The following BARD1 variants were observed in gnomAD, a reference collection of about 807,000 sequenced individuals.
BARD1 encodes the protein BRCA1-associated RING domain protein 1.
Under a neutral mutation model 77.0 loss-of-function variants are expected in BARD1, and 73 were observed. The observed-to-expected ratio is 0.95, with a 90% CI of 0.79 to 1.15. The LOEUF (loss-of-function observed/expected upper bound fraction) is 1.15. BARD1 is among the 50% of genes most tolerant of loss of function. BARD1 has a pLI of 0.00. For synonymous variants in BARD1, 384 were observed against 338.0 expected, an observed-to-expected ratio of 1.14 and a Z score of -1.49; for missense variants, 993 against 938.8, an observed-to-expected ratio of 1.06 and a Z score of -0.75.
intron 4 of BARD1, among the ~76,000 whole-genome samples, chr2:214,773,694 T>C (rs1694614642): frequency 2.0e-5 from 3 of 152,092 alleles, no homozygotes; most frequent in African/African-American, 4.8e-5. Flanking sequence ...ATGGTGACAA[T>C]TGTTTTGCTG....
chr2:214,757,383 T>TA (rs1485956016), intron 6 of BARD1, among the ~76,000 whole-genome samples: 2 of 152,052 alleles, frequency 1.3e-5, no homozygotes, highest in Non-Finnish European at 2.9e-5. Flanking sequence ...TCTTTAAAGA[T>TA]ATGACTGGAG....
intron 3 of BARD1, among the ~76,000 whole-genome samples, chr2:214,791,108 T>C (rs957423329): frequency 6.6e-6 from 1 of 152,174 alleles, no homozygotes; most frequent in African/African-American, 2.4e-5. Context: ...CTTTTAAAAA[T>C]GTGTGTGTAT....
chr2:214,755,418 G>GT (rs1258654180), intron 6 of BARD1, among the ~76,000 whole-genome samples: 1 of 152,142 alleles, frequency 6.6e-6, no homozygotes, highest in Admixed American at 6.5e-5. Context: ...TTAACCTAAA[G>GT]TTTTACCAAA....
chr2:214,760,106 A>G (rs1693884115), intron 6 of BARD1, among the ~76,000 whole-genome samples: 1 of 152,188 alleles, frequency 6.6e-6, no homozygotes. Flanking sequence ...AGTTATCTTT[A>G]TATTTTATAT....
In BARD1 at chr2:214,728,009, T is replaced by C. The variant is rs940713938; in HGVS notation, c.*667A>G. 1.4e-5 allele frequency: 3 copies of C among 220,598 alleles called. No individual in the cohort carries two copies. Among genetic ancestry groups the C allele is most frequent in the African/African-American group, 6.7e-5 (3 of 44,686 alleles). The allele number at this position is 220,598 out of a possible 1,614,324, so 13.7% of individuals were successfully genotyped here. ...CAAGCAAATGTACAGAATAAAAATA[T>C]GTACCATGAGCCTAGTGTTGATTTT... is the stretch of plus-strand genomic sequence containing the variant. On this transcript the variant is annotated 3_prime_UTR_variant, in exon 11 of 11. Coordinates refer to ENST00000260947, the MANE Select transcript of BARD1 (RefSeq NM_000465.4).
Position 214,783,848 on chromosome 2 carries a change from C to T in BARD1, c.365-2339G>A, listed in dbSNP as rs148969151. ...AAACTGAAACTGGACCCCTTCCTTACACCTTATATAAAAATTAACTCAACA... is the reference window on the plus strand; with the variant it reads ...AAACTGAAACTGGACCCCTTCCTTATACCTTATATAAAAATTAACTCAACA... On this transcript the variant is annotated intron_variant, in intron 3 of 10. Transcript: ENST00000260947. 8.7e-3 allele frequency among the ~76,000 whole-genome samples: 1,318 copies of T among 152,224 alleles called. 20 individuals carry two copies. Among genetic ancestry groups the T allele is most frequent in the African/African-American group, 0.029 (1,224 of 41,550 alleles).
rs142398158 is a variant in BARD1 at position 214,767,056 on chromosome 2, A to G, written c.1568+426T>C. On this transcript the variant is annotated intron_variant, in intron 6 of 10. Coordinates refer to ENST00000260947, the MANE Select transcript of BARD1 (RefSeq NM_000465.4). ...AATTCTCATCATTTAGCTCTCACTT[A>G]TAAGTGAGAACATGCGGTATTTGGT... Among the ~76,000 whole-genome samples, 607 of 152,238 alleles carry G rather than the reference A, an allele frequency of 4.0e-3. 1 individual carries two copies. Among genetic ancestry groups the G allele is most frequent in the African/African-American group, 6.1e-3 (252 of 41,542 alleles).
At chr2:214,745,294 G>T in intron 8 of BARD1, 135 bp from the exon 9 acceptor site, 2 of 737,776 alleles carry the variant, frequency 2.7e-6, no homozygotes, top group East Asian at 2.7e-5. Context: ...ACACTTAAGT[G>T]TAAGACTACT....
chr2:214,746,005 CT>C, intron 7 of BARD1, 151 bp from the exon 8 acceptor site: 1 of 934,554 alleles, frequency 1.1e-6, no homozygotes, highest in Non-Finnish European at 1.6e-6. Flanking sequence ...CACCCAGAAC[CT>C]TTTAAATAAA....
At chr2:214,774,639 A>G (rs939903189) in intron 4 of BARD1, among the ~76,000 whole-genome samples, 4 of 152,290 alleles carry the variant, frequency 2.6e-5, no homozygotes, top group Admixed American at 1.3e-4. Flanking sequence ...TTCCACTTCA[A>G]GTCACCAGCT....
chr2:214,755,547 C>G (rs1693655174), intron 6 of BARD1, among the ~76,000 whole-genome samples: 1 of 152,104 alleles, frequency 6.6e-6, no homozygotes, highest in Admixed American at 6.5e-5. Context: ...TAAACCCAAA[C>G]AAGTAATGAG....
rs375745253 is a variant in BARD1 at position 214,730,544 on chromosome 2, T to A, written c.1904-36A>T. 4 of 1,513,304 alleles carry A rather than the reference T, an allele frequency of 2.6e-6. No individual in the cohort carries two copies. In the African/African-American group the frequency reaches 4.1e-5, roughly 16 times the overall value. The allele number at this position is 1,513,304 out of a possible 1,614,324, so 93.7% of individuals were successfully genotyped here. A position where few individuals can be genotyped will look rare whatever the true frequency, so the allele number is the denominator to read the frequency against. ...CACAAGAATTAAAGCAAACTAAGTA[T>A]CAAGTGAGCACTATATCTCTCTCAT... On this transcript the variant is annotated intron_variant, in intron 9 of 10. Transcript: ENST00000260947.
rs968535447 is a variant in BARD1, at chr2:214,745,089, T to G, written c.1881A>C (p.Gly627=). ...TLKCMLGILN[G]CWILKFEWVK... ...TACATTCAAATTTTAGAATCCAGCATCCATTGAGAATCCCAAGCATACACT... is the reference window on the plus strand; with the variant it reads ...TACATTCAAATTTTAGAATCCAGCAGCCATTGAGAATCCCAAGCATACACT... Residue 627 remains glycine (G), a synonymous_variant, in exon 9 of 11, where the codon GGA becomes GGC. Coordinates refer to ENST00000260947, the MANE Select transcript of BARD1 (RefSeq NM_000465.4). 1 of 1,613,774 alleles carries G rather than the reference T, an allele frequency of 6.2e-7. No homozygotes were observed. Among genetic ancestry groups the G allele is most frequent in the African/African-American group, 1.3e-5 (1 of 74,912 alleles).
rs758775161 is a variant in BARD1 at position 214,792,259 on chromosome 2, T to C, written c.364+38A>G. On this transcript the variant is annotated intron_variant, in intron 3 of 10. Coordinates refer to ENST00000260947, the MANE Select transcript of BARD1 (RefSeq NM_000465.4). ...GAATATGAATTCATCAGTTTTTAAC[T>C]GATGAATTTAACTAAGAGAGATAGG... The C allele has an allele frequency of 5.6e-6, 9 of 1,601,684 alleles. No homozygotes were observed. In the Admixed American group the frequency reaches 1.2e-4, roughly 21 times the overall value.
chr2:214,749,053 G>C (rs1423465840), intron 7 of BARD1, among the ~76,000 whole-genome samples: 2 of 152,138 alleles, frequency 1.3e-5, no homozygotes, highest in Non-Finnish European at 2.9e-5. Context: ...CACACCAGGG[G>C]AAGGGGGTTA....
At position 214,731,532 on chromosome 2, in the gene BARD1, C is replaced by T. The variant is rs537677369; in HGVS notation, c.1904-1024G>A. ...TTGAAGGACTTGGCTATCCCAATTA[C>T]TTGTTCTGGAAGCTTCCTTGCCTAT... is the stretch of plus-strand genomic sequence containing the variant. On this transcript the variant is annotated intron_variant, in intron 9 of 10. Coordinates refer to ENST00000260947, the MANE Select transcript of BARD1 (RefSeq NM_000465.4). 4.6e-4 allele frequency among the ~76,000 whole-genome samples: 70 copies of T among 152,322 alleles called. 1 individual carries two copies. Among genetic ancestry groups the T allele is most frequent in the African/African-American group, 1.6e-3 (67 of 41,570 alleles).
At chr2:214,772,420 A>G (rs1281201050) in intron 4 of BARD1, among the ~76,000 whole-genome samples, 2 of 152,132 alleles carry the variant, frequency 1.3e-5, no homozygotes, top group African/African-American at 4.8e-5. Flanking sequence ...CTTCTCAAAG[A>G]TTTCCCCATT....
intron 7 of BARD1, among the ~76,000 whole-genome samples, chr2:214,747,056 G>A (rs919165250): frequency 6.6e-6 from 1 of 151,922 alleles, no homozygotes; most frequent in African/African-American, 2.4e-5. Context: ...GATATGAACA[G>A]ACACTTCTCA....
chr2:214,805,092 C>T (rs568679183), intron 1 of BARD1, among the ~76,000 whole-genome samples: 15 of 151,276 alleles, frequency 9.9e-5, no homozygotes, highest in Non-Finnish European at 1.9e-4. Context: ...ACCTGGCAGG[C>T]GGAGGTTGCA....
Sources: gnomAD v4.1 joint callset for allele counts (sites outside exome capture counted in the v4.1 genomes callset) on GRCh38, gnomAD v4.1.1 for gene constraint, MANE v1.5 for transcripts, NCBI Gene and HGNC (gene_info 2026-07-23, HGNC 2026-07-21) for gene names.